Variants in ADGRL4 observed in about 807,000 individuals in gnomAD.
The protein encoded by ADGRL4 is adhesion G protein-coupled receptor L4.
Under a neutral mutation model 74.8 loss-of-function variants are expected in ADGRL4, and 90 were observed. The observed-to-expected ratio is 1.20, with a 90% CI of 1.02 to 1.43. The LOEUF (loss-of-function observed/expected upper bound fraction) is 1.43. ADGRL4 is among the 40% of genes most tolerant of loss of function. ADGRL4 has a pLI of 0.00. For missense variants in ADGRL4, 881 were observed against 814.3 expected, an observed-to-expected ratio of 1.08 and a Z score of -1.00; for synonymous variants, 311 against 279.2, an observed-to-expected ratio of 1.11 and a Z score of -1.14.
intron 2 of ADGRL4, among the ~76,000 whole-genome samples, chr1:78,986,259 AT>A (rs1650492998): frequency 6.6e-6 from 1 of 151,812 alleles, no homozygotes; most frequent in Non-Finnish European, 1.5e-5. Context: ...TGTGATTCAT[AT>A]TTAAGTTCTT....
chr1:78,953,442 C>T (rs773718555), intron 2 of ADGRL4, among the ~76,000 whole-genome samples: 12 of 151,938 alleles, frequency 7.9e-5, no homozygotes, highest in African/African-American at 1.7e-4. Context: ...AGTTCACAAA[C>T]GAAAAACTAT....
At chr1:78,896,652 T>C (rs1648406249) in intron 12 of ADGRL4, among the ~76,000 whole-genome samples, 1 of 152,132 alleles carries the variant, frequency 6.6e-6, no homozygotes, top group Non-Finnish European at 1.5e-5. Flanking sequence ...ACCTCCTAAT[T>C]GATCTCTCTT....
intron 2 of ADGRL4, among the ~76,000 whole-genome samples, chr1:78,997,721 T>C (rs1650747551): frequency 6.6e-6 from 1 of 152,146 alleles, no homozygotes; most frequent in Non-Finnish European, 1.5e-5. Context: ...TTTTCCTCAA[T>C]GACTGGACTA....
At chr1:78,893,554 C>A (rs1248480) in intron 12 of ADGRL4, among the ~76,000 whole-genome samples, 1 of 151,430 alleles carries the variant, frequency 6.6e-6, no homozygotes, top group Admixed American at 6.6e-5. Flanking sequence ...GTGATAATTC[C>A]GTGAACCCTT....
chr1:78,931,514 C>T (rs112611684), intron 7 of ADGRL4, among the ~76,000 whole-genome samples: 13,710 of 151,176 alleles, frequency 0.091, 1,015 homozygotes, highest in East Asian at 0.33. Flanking sequence ...ATGAAGAAAC[C>T]GCAGCAACTA....
intron 12 of ADGRL4, among the ~76,000 whole-genome samples, chr1:78,901,900 C>T (rs898128007): frequency 6.6e-6 from 1 of 152,104 alleles, no homozygotes; most frequent in Non-Finnish European, 1.5e-5. Flanking sequence ...GTTACCAACA[C>T]TCAGCTCAGC....
intron 2 of ADGRL4, among the ~76,000 whole-genome samples, chr1:79,003,109 A>T (rs1650877314): frequency 6.6e-6 from 1 of 152,074 alleles, no homozygotes; most frequent in Non-Finnish European, 1.5e-5. Flanking sequence ...TCTTGACATA[A>T]TACCAATCTT....
intron 7 of ADGRL4, among the ~76,000 whole-genome samples, chr1:78,931,745 G>A (rs750760200): frequency 4.6e-5 from 7 of 150,836 alleles, no homozygotes; most frequent in Non-Finnish European, 7.4e-5. Flanking sequence ...AATTAACCAA[G>A]CAAATGGAAA....
At chr1:78,978,540 T>C (rs1422269943) in intron 2 of ADGRL4, among the ~76,000 whole-genome samples, 3 of 151,630 alleles carry the variant, frequency 2.0e-5, no homozygotes, top group East Asian at 3.8e-4. Context: ...GTTTATATCA[T>C]CATTTTTCTC....
At chr1:78,978,532 T>C (rs1650336184) in intron 2 of ADGRL4, among the ~76,000 whole-genome samples, 1 of 151,772 alleles carries the variant, frequency 6.6e-6, no homozygotes, top group Non-Finnish European at 1.5e-5. Context: ...GGTTTCCTGT[T>C]TATATCATCA....
rs1459126307 is a variant in ADGRL4, at chr1:78,991,573, G to A, written c.172+13497C>T. On this transcript the variant is annotated intron_variant, in intron 2 of 14. Transcript: ENST00000370742. ...ACTGAAATAACAACCTTTAAGTCTC[G>A]ATATGCTCATCAGCACATATTTTCA... 4.0e-5 allele frequency among the ~76,000 whole-genome samples: 6 copies of A among 151,808 alleles called. No individual in the cohort carries two copies. The South Asian group carries it at 8.3e-4, about 21-fold the overall frequency.
At chr1:79,001,178 G>T (rs1204176431) in intron 2 of ADGRL4, among the ~76,000 whole-genome samples, 1 of 99,836 alleles carries the variant, frequency 1.0e-5, no homozygotes, top group Admixed American at 9.4e-5. Flanking sequence ...AAGGGAGAGG[G>T]GGGGGAGGGA....
Position 78,891,065 on chromosome 1 carries a change from T to C in ADGRL4, c.*89A>G. 7.7e-7 allele frequency: 1 copy of C among 1,299,318 alleles called. No individual in the cohort carries two copies. The highest frequency in any genetic ancestry group is 1.1e-6 in the Non-Finnish European group (1 of 896,520). The allele number at this position is 1,299,318 out of a possible 1,614,324, so 80.5% of individuals were successfully genotyped here. ...TTTTGTCTAGTAGTTAATAATTGGA[T>C]AATTTGATGAGTCATTTTTATACAT... On this transcript the variant is annotated 3_prime_UTR_variant, in exon 15 of 15. Transcript: ENST00000370742.
intron 2 of ADGRL4, among the ~76,000 whole-genome samples, chr1:78,986,309 C>T (rs1038166220): frequency 6.6e-6 from 1 of 151,606 alleles, no homozygotes; most frequent in Non-Finnish European, 1.5e-5. Context: ...TGTCTTTTGG[C>T]GGTGAAATCT....
chr1:78,997,321 G>T (rs369979797), intron 2 of ADGRL4, among the ~76,000 whole-genome samples: 1 of 151,950 alleles, frequency 6.6e-6, no homozygotes, highest in Non-Finnish European at 1.5e-5. Flanking sequence ...ATTCTATCCC[G>T]CAACCACCCT....
At position 78,918,465 on chromosome 1, in the gene ADGRL4, T is replaced by C. The variant is rs564737434; in HGVS notation, c.1462-415A>G. 1.1e-3 allele frequency among the ~76,000 whole-genome samples: 165 copies of C among 151,986 alleles called. 1 individual carries two copies. The South Asian group carries it at 0.014, about 13-fold the overall frequency. ...AGAATGAAAATGACTCATAATACTC[T>C]GCTAGACAAAAGAAAATAAATATCT... On this transcript the variant is annotated intron_variant, in intron 10 of 14. Coordinates refer to ENST00000370742, the MANE Select transcript of ADGRL4 (RefSeq NM_022159.4).
intron 2 of ADGRL4, among the ~76,000 whole-genome samples, chr1:78,986,696 A>G (rs189705853): frequency 1.3e-4 from 19 of 151,932 alleles, no homozygotes; most frequent in African/African-American, 4.6e-4. Flanking sequence ...AAATTTTTCA[A>G]CTTATAAAAT....
intron 2 of ADGRL4, among the ~76,000 whole-genome samples, chr1:78,995,221 C>T (rs1271559687): frequency 1.3e-5 from 2 of 152,158 alleles, no homozygotes; most frequent in Admixed American, 6.5e-5. Flanking sequence ...CGGTATAGCA[C>T]TTCTCTCACT....
At chr1:78,940,294 A>G (rs1219078059) in intron 3 of ADGRL4, among the ~76,000 whole-genome samples, 1 of 152,272 alleles carries the variant, frequency 6.6e-6, no homozygotes, top group South Asian at 2.1e-4. Flanking sequence ...CGTGTGATTG[A>G]ATTCCCTTAA....
Sources: gnomAD v4.1 joint callset for allele counts (sites outside exome capture counted in the v4.1 genomes callset) on GRCh38, gnomAD v4.1.1 for gene constraint, MANE v1.5 for transcripts, NCBI Gene and HGNC (gene_info 2026-07-23, HGNC 2026-07-21) for gene names.